KIF6: variants seen among roughly 807,000 people sequenced by gnomAD.
KIF6 encodes kinesin family member 6.
A neutral mutation model predicts 112.7 loss-of-function variants in KIF6; 106 were observed. The ratio of observed to expected loss-of-function variants is 0.94; its 90% CI spans 0.80 to 1.11. KIF6 has a LOEUF of 1.11. Among genes scored for constraint, KIF6 ranks in the 50% least tolerant of loss-of-function variants. The pLI is 0.00. For synonymous variants in KIF6, 339 were observed against 339.9 expected (o/e 1.00, Z 0.03); for missense variants, 929 against 964.0 (o/e 0.96, Z 0.48).
At chr6:39,721,516 G>T (rs1790214791) in intron 1 of KIF6, among the ~76,000 whole-genome samples, 1 of 152,052 alleles carries the variant, frequency 6.6e-6, no homozygotes, top group African/African-American at 2.4e-5. Context: ...TTCTCTTCCT[G>T]GTTTCCTACT....
At chr6:39,655,906 A>G (rs1785754463) in intron 3 of KIF6, among the ~76,000 whole-genome samples, 1 of 152,198 alleles carries the variant, frequency 6.6e-6, no homozygotes, top group Admixed American at 6.5e-5. Flanking sequence ...CTATTCTTGT[A>G]CATGTTCCTT....
intron 9 of KIF6, among the ~76,000 whole-genome samples, chr6:39,583,022 C>T (rs1053423095): frequency 2.0e-5 from 3 of 152,194 alleles, no homozygotes; most frequent in African/African-American, 7.2e-5. Context: ...CTTTTGATTC[C>T]TGATTTCTCT....
intron 15 of KIF6, among the ~76,000 whole-genome samples, chr6:39,419,478 G>A (rs1770189714): frequency 1.3e-5 from 2 of 152,042 alleles, no homozygotes; most frequent in African/African-American, 4.8e-5. Context: ...CTCCACCTTG[G>A]GAAGGCACGA....
intron 10 of KIF6, among the ~76,000 whole-genome samples, chr6:39,573,164 C>A (rs2150625334): frequency 6.6e-6 from 1 of 152,064 alleles, no homozygotes; most frequent in Non-Finnish European, 1.5e-5. Context: ...TGTGTCCTGA[C>A]AAGCTCTGGG....
chr6:39,347,609 C>T (rs770064171), intron 19 of KIF6, among the ~76,000 whole-genome samples: 9 of 152,334 alleles, frequency 5.9e-5, no homozygotes, highest in Non-Finnish European at 1.2e-4. Flanking sequence ...TGGAAGAGGC[C>T]TAAGAAGTCA....
intron 8 of KIF6, 66 bp from the exon 9 acceptor site, chr6:39,585,050 T>G: frequency 1.1e-6 from 1 of 919,922 alleles, no homozygotes. Context: ...TAGATAAAAC[T>G]TATCTTTTAT....
intron 5 of KIF6, 62 bp from the exon 6 acceptor site, chr6:39,613,380 C>A: frequency 7.2e-7 from 1 of 1,383,398 alleles, no homozygotes; most frequent in South Asian, 1.5e-5. Context: ...TTGAAGTCTT[C>A]CCTACAGGCT....
intron 13 of KIF6, among the ~76,000 whole-genome samples, chr6:39,474,810 T>A (rs1222683069): frequency 2.0e-5 from 3 of 152,230 alleles, no homozygotes; most frequent in Admixed American, 6.5e-5. Flanking sequence ...ATACGATGGT[T>A]CCAACTCTAA....
intron 13 of KIF6, among the ~76,000 whole-genome samples, chr6:39,502,638 G>C (rs953078158): frequency 3.9e-5 from 6 of 152,082 alleles, no homozygotes; most frequent in African/African-American, 1.4e-4. Context: ...CAAAATAAAG[G>C]GATGGAGGAA....
At chr6:39,605,429 T>C (rs1304721802) in intron 6 of KIF6, among the ~76,000 whole-genome samples, 56 of 152,074 alleles carry the variant, frequency 3.7e-4, no homozygotes, top group Admixed American at 3.7e-3. Flanking sequence ...ATCCTAAGAA[T>C]TTTAGCAGTT....
intron 10 of KIF6, among the ~76,000 whole-genome samples, chr6:39,577,313 T>C (rs1279193064): frequency 1.3e-5 from 2 of 152,210 alleles, no homozygotes; most frequent in African/African-American, 2.4e-5. Context: ...ATTTTCTCCA[T>C]TGAGGGAGGG....
intron 3 of KIF6, among the ~76,000 whole-genome samples, chr6:39,640,128 C>T (rs1784830183): frequency 6.6e-6 from 1 of 152,070 alleles, no homozygotes; most frequent in Non-Finnish European, 1.5e-5. Context: ...ATGGTGTAAA[C>T]ACTCACAATA....
In KIF6 at chr6:39,385,646, G is replaced by T. The variant is rs139112928; in HGVS notation, c.1837C>A (p.Arg613=). 6 of 1,613,478 alleles carry T rather than the reference G, an allele frequency of 3.7e-6. 1 individual carries two copies. The South Asian group carries it at 5.5e-5, about 15-fold the overall frequency. Residue 613 remains arginine (R), a synonymous_variant, in exon 16 of 23, where the codon CGG becomes AGG. Transcript: ENST00000287152. ...IGHLKEEITQ[R]HIQQVALGIS... is the part of the protein sequence containing the mutation. ...CCTAGGGCTACTTGCTGTATATGCC[G>T]CTGGGTGATTTCTTCCTTCAGGTGA...
intron 16 of KIF6, among the ~76,000 whole-genome samples, chr6:39,370,243 CA>C (rs1201191472): frequency 6.6e-6 from 1 of 152,170 alleles, no homozygotes; most frequent in Non-Finnish European, 1.5e-5. Flanking sequence ...CTGGACCAGC[CA>C]GGGGGCAGTG....
At chr6:39,604,950 T>C (rs1457078145) in intron 6 of KIF6, among the ~76,000 whole-genome samples, 5 of 152,122 alleles carry the variant, frequency 3.3e-5, no homozygotes, top group African/African-American at 1.2e-4. Context: ...TCCCTAAGGG[T>C]CATTTCTCCA....
chr6:39,403,611 C>G (rs183864002), intron 15 of KIF6, among the ~76,000 whole-genome samples: 1 of 152,208 alleles, frequency 6.6e-6, no homozygotes, highest in South Asian at 2.1e-4. Flanking sequence ...AGAACCCTTA[C>G]AAACATCTGC....
At chr6:39,517,284 C>G (rs1181665111) in intron 13 of KIF6, among the ~76,000 whole-genome samples, 2 of 152,170 alleles carry the variant, frequency 1.3e-5, no homozygotes, top group Non-Finnish European at 2.9e-5. Flanking sequence ...CCCCCAGCTC[C>G]CACCATAAGG....
chr6:39,712,791 A>G (rs928961916), intron 3 of KIF6, among the ~76,000 whole-genome samples: 1 of 152,092 alleles, frequency 6.6e-6, no homozygotes, highest in Non-Finnish European at 1.5e-5. Flanking sequence ...ATCACACCCC[A>G]GAGCCTGTCA....
intron 2 of KIF6, among the ~76,000 whole-genome samples, chr6:39,717,803 A>C (rs2113890042): frequency 6.6e-6 from 1 of 152,300 alleles, no homozygotes; most frequent in Non-Finnish European, 1.5e-5. Context: ...TTATCTCTGA[A>C]CATATGTGTA....
Sources: gnomAD v4.1 joint callset for allele counts (sites outside exome capture counted in the v4.1 genomes callset) on GRCh38, gnomAD v4.1.1 for gene constraint, MANE v1.5 for transcripts, NCBI Gene and HGNC (gene_info 2026-07-23, HGNC 2026-07-21) for gene names.